ZNFX1: variants seen among roughly 807,000 people sequenced by gnomAD.
The protein encoded by ZNFX1 is zinc finger NFX1-type containing 1.
A neutral mutation model predicts 179.8 loss-of-function variants in ZNFX1; 78 were observed. That is an observed-to-expected ratio of 0.43 (90% CI 0.36 to 0.52). The LOEUF (loss-of-function observed/expected upper bound fraction) is 0.52. ZNFX1 is among the 20% of genes least tolerant of loss of function. The pLI is 0.00. For missense variants in ZNFX1, 1,927 were observed against 2,386.6 expected (o/e 0.81, Z 4.01); for synonymous variants, 848 against 868.5 (o/e 0.98, Z 0.42).
rs767986153 is a variant in ZNFX1 at position 49,247,313 on chromosome 20, G to A, written c.5711C>T (p.Thr1904Met). Residue 1904 changes from threonine (T) to methionine (M), a missense_variant, in exon 14 of 14, where the codon ACG becomes ATG. Coordinates refer to ENST00000396105, the MANE Select transcript of ZNFX1 (RefSeq NM_021035.3). ...DGAQHAAWSD[T>M]ANNLMNFEEI... ...CTCAAAGTTCATCAGGTTGTTGGCC[G>A]TGTCAGACCAGGCAGCATGCTGGGC... 5.6e-6 allele frequency: 9 copies of A among 1,613,672 alleles called. No homozygotes were observed. The highest frequency in any genetic ancestry group is 4.5e-5 in the East Asian group (2 of 44,886).
Position 49,270,362 on chromosome 20 carries a change from G to A in ZNFX1, c.1450C>T (p.Leu484Phe). ...QEDLCRGIVQ[L>F]CFNEQSQQLL... ...TGTTGGCTTTGCTCATTGAAGCAGA[G>A]CTGGACAATTCCTCGGCAGAGATCT... The change falls in exon 3 of 14, where the codon CTC (leucine) becomes TTC (phenylalanine). Residue 484 changes from leucine (L) to phenylalanine (F), a missense_variant. By Grantham distance (22) the Leu-to-Phe change is conservative. Transcript: ENST00000396105. This position sits in a 1 kb window ranked among gnomAD's most constrained non-coding sequence, Gnocchi z 4.6. 1 of 1,614,218 alleles carries A rather than the reference G, an allele frequency of 6.2e-7. No homozygotes were observed. The highest frequency in any genetic ancestry group is 8.5e-7 in the Non-Finnish European group (1 of 1,180,042).
intron 2 of ZNFX1, 131 bp from the exon 3 acceptor site, chr20:49,271,881 T>TGGCG: frequency 9.3e-7 from 1 of 1,077,450 alleles, no homozygotes; most frequent in Non-Finnish European, 1.3e-6. Flanking sequence ...AGAAAAACGG[T>TGGCG]TTCTACCAAG....
In ZNFX1 at chr20:49,270,550, C is replaced by G. The variant is rs1454546185; in HGVS notation, c.1262G>C (p.Cys421Ser). ...YFDTRIITPM[C>S]SSSGIVYKVQ... Reference sequence around the variant, plus strand: ...CTTGTAGACTATGCCTGATGATGAACACATGGGGGTGATAATCCTGGTGTC... The same window carrying G: ...CTTGTAGACTATGCCTGATGATGAAGACATGGGGGTGATAATCCTGGTGTC... Residue 421 changes from cysteine (C) to serine (S), a missense_variant, in exon 3 of 14, where the codon TGT (cysteine) becomes TCT (serine). Cys to Ser is a moderately radical substitution (Grantham distance 112, BLOSUM62 -1). Coordinates refer to ENST00000396105, the MANE Select transcript of ZNFX1 (RefSeq NM_021035.3). The surrounding 1 kb of genome is among the most constrained non-coding windows in gnomAD (Gnocchi z 4.6). 1.2e-6 allele frequency: 2 copies of G among 1,614,252 alleles called. No homozygotes were observed. The highest frequency in any genetic ancestry group is 3.3e-5 in the Admixed American group (2 of 60,030).
chr20:49,264,195 C>G (rs866540779), intron 5 of ZNFX1, among the ~76,000 whole-genome samples: 1 of 152,190 alleles, frequency 6.6e-6, no homozygotes, highest in Admixed American at 6.5e-5. Context: ...GCACTCCAGC[C>G]TGGGTGACTG....
chr20:49,272,961 T>A (rs191151884), intron 2 of ZNFX1, among the ~76,000 whole-genome samples: 31 of 151,980 alleles, frequency 2.0e-4, no homozygotes, highest in African/African-American at 7.2e-4. Flanking sequence ...CAGAATGACA[T>A]GAAGATTTTA....
In ZNFX1 at chr20:49,253,856, A is replaced by G. The variant is rs567000754; in HGVS notation, c.2960-45T>C. The G allele has an allele frequency of 1.4e-5, 23 of 1,606,984 alleles. No individual in the cohort carries two copies. The African/African-American group carries it at 2.5e-4, about 18-fold the overall frequency. On this transcript the variant is annotated intron_variant, in intron 10 of 13. Coordinates refer to ENST00000396105, the MANE Select transcript of ZNFX1 (RefSeq NM_021035.3). The stretch of plus-strand genomic sequence containing the variant: ...GAAAGGCTCCTCTGAGCTGAGGCAC[A>G]GGACCCACAGGGCCACTGGGCCTCT...
chr20:49,253,528 C>A, intron 11 of ZNFX1, 138 bp downstream of exon 11: 1 of 1,010,208 alleles, frequency 9.9e-7, no homozygotes, highest in Non-Finnish European at 1.4e-6. Flanking sequence ...TTAGACTGAA[C>A]GTGGGAGGTG....
intron 1 of ZNFX1, 128 bp from the exon 2 acceptor site, chr20:49,276,015 A>G (rs1043305800): frequency 1.1e-4 from 64 of 597,328 alleles, no homozygotes; most frequent in Non-Finnish European, 1.9e-4. Context: ...TTAAATACAG[A>G]TTTTAATCTA....
chr20:49,250,735 A>G (rs1461500455), intron 13 of ZNFX1, among the ~76,000 whole-genome samples: 1 of 152,068 alleles, frequency 6.6e-6, no homozygotes, highest in Non-Finnish European at 1.5e-5. Flanking sequence ...TATTTTTAGT[A>G]GAGACGGGGT....
In ZNFX1 at chr20:49,248,659, C is replaced by G; in HGVS notation, c.4365G>C (p.Gly1455=). The part of the protein sequence containing the change: ...CPGSCHSCFE[G]RFHERCQQPC... Reference sequence around the variant, plus strand: ...GCTGCTGACAGCGTTCATGGAAACGCCCTTCGAAGCAGCTGTGGCAGGAGC... The same window carrying G: ...GCTGCTGACAGCGTTCATGGAAACGGCCTTCGAAGCAGCTGTGGCAGGAGC... The change falls in exon 14 of 14, where the codon GGG becomes GGC. Residue 1455 remains glycine (G), a synonymous_variant. Coordinates refer to ENST00000396105, the MANE Select transcript of ZNFX1 (RefSeq NM_021035.3). The surrounding 1 kb of genome is among the most constrained non-coding windows in gnomAD (Gnocchi z 4.6). 1 of 1,613,534 alleles carries G rather than the reference C, an allele frequency of 6.2e-7. No individual in the cohort carries two copies. Among genetic ancestry groups the G allele is most frequent in the Non-Finnish European group, 8.5e-7 (1 of 1,180,026 alleles).
At position 49,264,741 on chromosome 20, in the gene ZNFX1, A is replaced by G. The variant is rs1981196182; in HGVS notation, c.2126T>C (p.Met709Thr). The part of the protein sequence containing the change: ...NKREFRRNLP[M>T]HLRRAYMSIM... The stretch of plus-strand genomic sequence containing the variant: ...ACTCATGTAGGCCCTTCGGAGGTGC[A>G]TGGGGAGGTTGCGGCGGAATTCCCG... The change falls in exon 5 of 14, where the codon ATG (methionine) becomes ACG (threonine). Residue 709 changes from methionine to threonine, a missense_variant. By Grantham distance (81) the Met-to-Thr change is moderately conservative (BLOSUM62 -1). Coordinates refer to ENST00000396105, the MANE Select transcript of ZNFX1 (RefSeq NM_021035.3). 2 of 1,614,124 alleles carry G rather than the reference A, an allele frequency of 1.2e-6. No individual in the cohort carries two copies. Among genetic ancestry groups the G allele is most frequent in the Middle Eastern group, 1.7e-4 (1 of 5,992 alleles).
intron 2 of ZNFX1, among the ~76,000 whole-genome samples, chr20:49,272,630 CA>C (rs1391460525): frequency 6.6e-6 from 1 of 152,176 alleles, no homozygotes; most frequent in Non-Finnish European, 1.5e-5. Flanking sequence ...TACCACTAAA[CA>C]ATTATCACAG....
At chr20:49,261,598 A>T (rs891748476) in intron 6 of ZNFX1, among the ~76,000 whole-genome samples, 1 of 151,436 alleles carries the variant, frequency 6.6e-6, no homozygotes, top group Admixed American at 6.6e-5. Flanking sequence ...ATAACTGATG[A>T]GTACTAGGCT....
At chr20:49,254,307 G>A (rs1031392415) in intron 10 of ZNFX1, among the ~76,000 whole-genome samples, 188 bp downstream of exon 10, 1 of 152,162 alleles carries the variant, frequency 6.6e-6, no homozygotes, top group African/African-American at 2.4e-5. Context: ...GATTATAGGC[G>A]TGAGCCACTG....
chr20:49,247,714 C>T lies in ZNFX1; in HGVS notation c.5310G>A (p.Leu1770=). The change falls in exon 14 of 14, where the codon CTG becomes CTA. Residue 1770 remains leucine, a synonymous_variant. Transcript: ENST00000396105. The part of the protein sequence containing the change: ...IQRLTYLVNL[L]TRYKIAEKKV... ...TCTTCTCTGCTATCTTGTAGCGGGT[C>T]AGAAGGTTCACCAGGTATGTGAGCC... 3 of 1,614,218 alleles carry T rather than the reference C, an allele frequency of 1.9e-6. No individual in the cohort carries two copies. The highest frequency in any genetic ancestry group is 2.5e-6 in the Non-Finnish European group (3 of 1,180,046).
At chr20:49,269,799 G>A in intron 3 of ZNFX1, 143 bp downstream of exon 3, 1 of 971,554 alleles carries the variant, frequency 1.0e-6, no homozygotes, top group Non-Finnish European at 1.5e-6. Flanking sequence ...TAACAAACCT[G>A]CACATGTACC....
chr20:49,261,462 A>C (rs1475552516), intron 6 of ZNFX1, among the ~76,000 whole-genome samples: 1 of 152,188 alleles, frequency 6.6e-6, no homozygotes, highest in African/African-American at 2.4e-5. Context: ...ACAAGAACAG[A>C]AAACCAAATA....
At chr20:49,253,292 G>C (rs1409441897) in intron 11 of ZNFX1, among the ~76,000 whole-genome samples, 2 of 152,142 alleles carry the variant, frequency 1.3e-5, no homozygotes, top group African/African-American at 2.4e-5. Context: ...TTTTCAGCTG[G>C]AAAGTGATAT....
chr20:49,259,872 A>C (rs1159387334), intron 7 of ZNFX1, among the ~76,000 whole-genome samples: 1 of 152,194 alleles, frequency 6.6e-6, no homozygotes, highest in Non-Finnish European at 1.5e-5. Flanking sequence ...GTTGATGAAC[A>C]TTTGAGTTCT....
Sources: gnomAD v4.1 joint callset for allele counts (sites outside exome capture counted in the v4.1 genomes callset) on GRCh38, gnomAD v4.1.1 for gene constraint, Gnocchi (gnomAD v3.1) non-coding constraint, MANE v1.5 for transcripts, NCBI Gene and HGNC (gene_info 2026-07-23, HGNC 2026-07-21) for gene names.